DDAH1: variants seen among roughly 807,000 people sequenced by gnomAD.
DDAH1 encodes the protein dimethylarginine dimethylaminohydrolase 1.
A neutral mutation model predicts 28.8 loss-of-function variants in DDAH1; 19 were observed. The ratio of observed to expected loss-of-function variants is 0.66; its 90% CI spans 0.46 to 0.97. The LOEUF is 0.97. Among genes scored for constraint, DDAH1 ranks in the 50% least tolerant of loss-of-function variants. The probability of loss-of-function intolerance (pLI) is 0.00; values close to 1 mark genes in which losing one functional copy is unlikely to be tolerated. For missense variants in DDAH1, 326 were observed against 375.9 expected, an observed-to-expected ratio of 0.87 and a Z score of 1.10; for synonymous variants, 153 against 154.4, an observed-to-expected ratio of 0.99 and a Z score of 0.07.
chr1:85,505,700 T>A (rs1656988730), intron 1 of DDAH1, among the ~76,000 whole-genome samples: 2 of 152,196 alleles, frequency 1.3e-5, no homozygotes. Context: ...AATACTCTAT[T>A]ATCATTATCT....
intron 1 of DDAH1, among the ~76,000 whole-genome samples, chr1:85,444,993 A>G (rs988647844): frequency 5.3e-5 from 8 of 152,164 alleles, no homozygotes; most frequent in Non-Finnish European, 8.8e-5. Flanking sequence ...TTGGAGTCCA[A>G]TGTTCTAGGG....
chr1:85,450,395 C>T (rs1196522551), intron 1 of DDAH1, among the ~76,000 whole-genome samples: 2 of 151,980 alleles, frequency 1.3e-5, no homozygotes, highest in African/African-American at 2.4e-5. Context: ...TACAGGTGAC[C>T]GAAGCTTTCT....
At chr1:85,566,829 G>T (rs1406641529) in intron 1 of DDAH1, among the ~76,000 whole-genome samples, 2 of 152,088 alleles carry the variant, frequency 1.3e-5, no homozygotes, top group Non-Finnish European at 2.9e-5. Flanking sequence ...AGTAGAGAGA[G>T]ATTTATTATA....
chr1:85,521,578 T>C lies in DDAH1; in HGVS notation c.-122-25297A>G, dbSNP rs554752857. The C allele has an allele frequency of 4.1e-5, 40 of 965,580 alleles. No homozygotes were observed. In the South Asian group the frequency reaches 1.8e-3, roughly 44 times the overall value. The allele number at this position is 965,580 out of a possible 1,614,324, so 59.8% of individuals were successfully genotyped here. On this transcript the variant is annotated intron_variant, in intron 1 of 6. Transcript: ENST00000426972. Reference sequence around the variant, plus strand: ...AGTTGTGAGGTGGGTCACAGGCCATTTGCTACTAATAATAAAACCCCAAAG... The same window carrying C: ...AGTTGTGAGGTGGGTCACAGGCCATCTGCTACTAATAATAAAACCCCAAAG...
In DDAH1 at chr1:85,452,576, C is replaced by T. The variant is rs146140873; in HGVS notation, c.303+12167G>A. On this transcript the variant is annotated intron_variant, in intron 1 of 5. Coordinates refer to ENST00000284031, the MANE Select transcript of DDAH1 (RefSeq NM_012137.4). Reference sequence around the variant, plus strand: ...GGAGTGACCTACTAGAGTAATTTTACGATCCACTTACGAGTTGAACTTAAA... The same window carrying T: ...GGAGTGACCTACTAGAGTAATTTTATGATCCACTTACGAGTTGAACTTAAA... Among the ~76,000 whole-genome samples the T allele has an allele frequency of 8.5e-3, 1,298 of 151,846 alleles. 12 individuals carry two copies. Among genetic ancestry groups the T allele is most frequent in the Middle Eastern group, 0.014 (4 of 292 alleles).
At chr1:85,388,933 A>G (rs1651410278) in intron 1 of DDAH1, among the ~76,000 whole-genome samples, 1 of 152,220 alleles carries the variant, frequency 6.6e-6, no homozygotes, top group Non-Finnish European at 1.5e-5. Flanking sequence ...GATTACATTC[A>G]CAGGTTTTGA....
chr1:85,482,843 T>A (rs1183823361), intron 2 of DDAH1, among the ~76,000 whole-genome samples: 4 of 152,082 alleles, frequency 2.6e-5, no homozygotes, highest in African/African-American at 9.7e-5. Context: ...ACAACAAAAA[T>A]CAATAGGAAA....
At chr1:85,411,815 C>T (rs17127201) in intron 1 of DDAH1, among the ~76,000 whole-genome samples, 6,958 of 152,258 alleles carry the variant, frequency 0.046, 259 homozygotes, top group South Asian at 0.18. Context: ...ATGCTGGCTT[C>T]TGCTCTGAAA....
At chr1:85,392,049 A>G (rs1190462529) in intron 1 of DDAH1, among the ~76,000 whole-genome samples, 1 of 152,094 alleles carries the variant, frequency 6.6e-6, no homozygotes, top group Non-Finnish European at 1.5e-5. Flanking sequence ...GGTTACATGA[A>G]TAAGTTCTTT....
chr1:85,463,988 ACT>A (rs1655238913), intron 1 of DDAH1, among the ~76,000 whole-genome samples: 1 of 152,068 alleles, frequency 6.6e-6, no homozygotes, highest in Admixed American at 6.5e-5. Context: ...GAACAGAAAA[ACT>A]CTCTTAATTG....
chr1:85,519,974 T>TTATGTATG (rs1416152535), intron 1 of DDAH1, among the ~76,000 whole-genome samples: 28 of 137,980 alleles, frequency 2.0e-4, no homozygotes, highest in South Asian at 2.6e-4. Context: ...TTTTTCCCCT[T>TTATGTATG]TATTTATTTA....
intron 4 of DDAH1, among the ~76,000 whole-genome samples, chr1:85,345,542 A>C (rs1446548094): frequency 6.6e-6 from 1 of 152,134 alleles, no homozygotes; most frequent in African/African-American, 2.4e-5. Context: ...TGCAGTAATA[A>C]TGTCTTCCTT....
intron 4 of DDAH1, among the ~76,000 whole-genome samples, chr1:85,328,013 T>C (rs949358048): frequency 7.9e-5 from 12 of 152,212 alleles, no homozygotes; most frequent in Admixed American, 7.9e-4. Context: ...GTCAATCACA[T>C]GGGTAAACAA....
intron 1 of DDAH1, among the ~76,000 whole-genome samples, chr1:85,388,056 T>TTC (rs1383422623): frequency 6.6e-6 from 1 of 152,134 alleles, no homozygotes; most frequent in Non-Finnish European, 1.5e-5. Flanking sequence ...CACCAAGCCT[T>TTC]TCATGAAAGA....
At chr1:85,570,281 T>A (rs1659413388) in intron 1 of DDAH1, among the ~76,000 whole-genome samples, 1 of 151,848 alleles carries the variant, frequency 6.6e-6, no homozygotes. Context: ...GCCTGATATT[T>A]TCTATTTTTG....
chr1:85,440,289 A>AT (rs1212669340), intron 1 of DDAH1, among the ~76,000 whole-genome samples: 3 of 152,110 alleles, frequency 2.0e-5, no homozygotes, highest in Admixed American at 6.5e-5. Flanking sequence ...GAAAAGTCTG[A>AT]TTTTTTTAGC....
At chr1:85,566,491 C>CAAAAAAAAAAAAAAAAAAAAAAAAAAAA (rs200302503) in intron 1 of DDAH1, among the ~76,000 whole-genome samples, 1 of 84,732 alleles carries the variant, frequency 1.2e-5, no homozygotes. Context: ...GACCCCATCT[C>CAAAAAAAAAAAAAAAAAAAAAAAAAAAA]AAAAAAAAAA....
chr1:85,443,424 C>T (rs922924412), intron 1 of DDAH1, among the ~76,000 whole-genome samples: 1 of 152,154 alleles, frequency 6.6e-6, no homozygotes, highest in Non-Finnish European at 1.5e-5. Flanking sequence ...GTTTTGGTTA[C>T]TGTAGCCTTG....
chr1:85,449,838 G>C (rs1247904303), intron 1 of DDAH1, among the ~76,000 whole-genome samples: 1 of 152,136 alleles, frequency 6.6e-6, no homozygotes, highest in East Asian at 1.9e-4. Context: ...TGTTTGTACT[G>C]GAGAGAGAGG....
Sources: gnomAD v4.1 joint callset for allele counts (sites outside exome capture counted in the v4.1 genomes callset) on GRCh38, gnomAD v4.1.1 for gene constraint, MANE v1.5 for transcripts, NCBI Gene and HGNC (gene_info 2026-07-23, HGNC 2026-07-21) for gene names.